The following DLG2 variants were observed in gnomAD, a reference collection of about 807,000 sequenced individuals.
DLG2 encodes the protein discs large MAGUK scaffold protein 2.
Under a neutral mutation model 132.5 loss-of-function variants are expected in DLG2, and 45 were observed. The observed-to-expected ratio is 0.34, with a 90% CI of 0.27 to 0.44. The LOEUF (loss-of-function observed/expected upper bound fraction) is 0.44, where lower values mean the gene tolerates loss of function less well. Among genes scored for constraint, DLG2 ranks in the 20% least tolerant of loss-of-function variants. DLG2 has a pLI of 1.00. For synonymous variants in DLG2, 424 were observed against 419.6 expected (o/e 1.01, Z -0.13); for missense variants, 1,045 against 1,196.9 (o/e 0.87, Z 1.87).
intron 6 of DLG2, among the ~76,000 whole-genome samples, chr11:84,732,854 T>C (rs937866276): frequency 7.5e-5 from 11 of 146,724 alleles, no homozygotes; most frequent in Non-Finnish European, 1.5e-4. Context: ...AGTGTTCTCA[T>C]TGTTCAATTC....
intron 3 of DLG2, among the ~76,000 whole-genome samples, chr11:85,489,556 G>A (rs2093510388): frequency 6.6e-6 from 1 of 152,006 alleles, no homozygotes; most frequent in African/African-American, 2.4e-5. Flanking sequence ...TTACACAAAA[G>A]GGACCAAACC....
At chr11:83,894,716 C>A (rs923088525) in intron 15 of DLG2, among the ~76,000 whole-genome samples, 1 of 152,124 alleles carries the variant, frequency 6.6e-6, no homozygotes, top group Non-Finnish European at 1.5e-5. Context: ...GCTATAATTT[C>A]CTTACTGTAC....
intron 9 of DLG2, among the ~76,000 whole-genome samples, chr11:84,147,804 T>C (rs1360721248): frequency 1.3e-5 from 2 of 152,104 alleles, no homozygotes; most frequent in African/African-American, 4.8e-5. Flanking sequence ...CCTTTTGATA[T>C]AGTCAAATAA....
intron 19 of DLG2, among the ~76,000 whole-genome samples, chr11:83,599,415 AC>A (rs796133647): frequency 9.9e-5 from 15 of 152,120 alleles, no homozygotes; most frequent in African/African-American, 3.4e-4. Flanking sequence ...GAAAACTGTT[AC>A]GTCTGATTGG....
At chr11:85,466,379 C>T (rs1202389830) in intron 3 of DLG2, among the ~76,000 whole-genome samples, 1 of 152,230 alleles carries the variant, frequency 6.6e-6, no homozygotes, top group Middle Eastern at 3.4e-3. Context: ...ACATGAAGTC[C>T]TTGCCCATGC....
chr11:84,802,365 C>CCAGCAGCAGCAG (rs371131136), intron 6 of DLG2, among the ~76,000 whole-genome samples: 3 of 150,142 alleles, frequency 2.0e-5, no homozygotes, highest in East Asian at 1.9e-4. Context: ...ACTCCGGAAC[C>CCAGCAGCAGCAG]CAGCAGCAGC....
intron 6 of DLG2, among the ~76,000 whole-genome samples, chr11:84,719,192 A>C (rs2153792248): frequency 6.6e-6 from 1 of 152,282 alleles, no homozygotes; most frequent in African/African-American, 2.4e-5. Flanking sequence ...CTATCCATGA[A>C]GTTCAGTGTG....
At chr11:83,580,542 G>A (rs867674595) in intron 19 of DLG2, among the ~76,000 whole-genome samples, 1 of 152,092 alleles carries the variant, frequency 6.6e-6, no homozygotes, top group East Asian at 1.9e-4. Flanking sequence ...AATTGAAAGG[G>A]CTGTCCATAA....
intron 6 of DLG2, among the ~76,000 whole-genome samples, chr11:84,795,013 C>G (rs964691818): frequency 1.3e-5 from 2 of 152,222 alleles, no homozygotes; most frequent in African/African-American, 2.4e-5. Context: ...GCCCTACCAT[C>G]AGGCCTGGGA....
At chr11:84,023,893 GT>G (rs1456051231) in intron 11 of DLG2, among the ~76,000 whole-genome samples, 1 of 151,992 alleles carries the variant, frequency 6.6e-6, no homozygotes, top group African/African-American at 2.4e-5. Context: ...TGAACACCAA[GT>G]ACATTTTCTC....
At chr11:83,485,437 T>A (rs1565424020) in intron 21 of DLG2, among the ~76,000 whole-genome samples, 2 of 152,166 alleles carry the variant, frequency 1.3e-5, no homozygotes, top group Non-Finnish European at 2.9e-5. Flanking sequence ...TTCATCAGAT[T>A]GACTACTACC....
At chr11:84,222,781 T>C (rs2096934159) in intron 8 of DLG2, among the ~76,000 whole-genome samples, 1 of 152,212 alleles carries the variant, frequency 6.6e-6, no homozygotes, top group Non-Finnish European at 1.5e-5. Flanking sequence ...TGCAGAAAGA[T>C]AGGTTTAAAA....
chr11:84,925,260 G>T (rs1045955366), intron 6 of DLG2, among the ~76,000 whole-genome samples: 4 of 152,124 alleles, frequency 2.6e-5, no homozygotes, highest in African/African-American at 4.8e-5. Context: ...AGAACAGCTC[G>T]CAAGCAAGGA....
chr11:85,532,170 A>G (rs1010556944), intron 3 of DLG2, among the ~76,000 whole-genome samples: 1 of 152,226 alleles, frequency 6.6e-6, no homozygotes, highest in Non-Finnish European at 1.5e-5. Context: ...AGTATATACA[A>G]AAGAAAAAGT....
At chr11:84,268,281 T>G (rs953449423) in intron 7 of DLG2, among the ~76,000 whole-genome samples, 3 of 152,148 alleles carry the variant, frequency 2.0e-5, no homozygotes, top group Admixed American at 6.5e-5. Context: ...TTACCATGGT[T>G]TGTACATCTT....
chr11:84,681,552 T>C (rs996902342), intron 6 of DLG2, among the ~76,000 whole-genome samples: 2 of 152,176 alleles, frequency 1.3e-5, no homozygotes, highest in African/African-American at 2.4e-5. Context: ...GGTCTCTTAA[T>C]GGCAGAATAA....
chr11:83,753,759 A>T (rs183212898), intron 18 of DLG2, among the ~76,000 whole-genome samples: 12 of 136,972 alleles, frequency 8.8e-5, no homozygotes, highest in African/African-American at 2.3e-4. Flanking sequence ...TCATATATGT[A>T]ATATATATGA....
intron 18 of DLG2, among the ~76,000 whole-genome samples, chr11:83,640,413 T>C (rs868237377): frequency 6.6e-6 from 1 of 152,160 alleles, no homozygotes. Flanking sequence ...TTAGGAAGGG[T>C]ACATGGTAAG....
chr11:84,561,755 T>C (rs957061557), intron 6 of DLG2, among the ~76,000 whole-genome samples: 12 of 152,132 alleles, frequency 7.9e-5, no homozygotes, highest in Admixed American at 5.9e-4. Flanking sequence ...TAAGAAAATA[T>C]TTGAAAGGCA....
Sources: allele counts gnomAD v4.1 joint callset (sites outside exome capture counted in the v4.1 genomes callset), GRCh38; gene constraint gnomAD v4.1.1; transcripts MANE v1.5; gene names NCBI Gene and HGNC (gene_info 2026-07-23, HGNC 2026-07-21).